The following TTN variants were observed in gnomAD, a reference collection of about 807,000 sequenced individuals.
TTN encodes the protein titin, also known as connectin.
TTN carries 1,525 observed loss-of-function variants against 3,223.0 expected under a neutral mutation model. The observed-to-expected ratio is 0.47, with a 90% confidence interval of 0.45 to 0.49. The LOEUF (loss-of-function observed/expected upper bound fraction) is 0.49. Among genes scored for constraint, TTN ranks in the 20% least tolerant of loss-of-function variants. TTN has a pLI of 0.00. For missense variants in TTN, 40,786 were observed against 43,424.0 expected (o/e 0.94, Z 5.40); for synonymous variants, 14,094 against 15,161.0 (o/e 0.93, Z 5.17).
chr2:178,582,307 T>C lies in TTN; in HGVS notation c.66149A>G (p.Lys22050Arg), dbSNP rs2047964470. Residue 22050 changes from lysine (K) to arginine (R), a missense_variant, in exon 314 of 363, where the codon AAA becomes AGA. Physicochemically the swap from Lys to Arg is conservative, Grantham distance 26. Transcript: ENST00000589042. The stretch of plus-strand genomic sequence containing the variant: ...GGAAATGTTCCTACCATATGGGTTT[T>C]TGGCAATTGCTGGTTCAGTGAAGAC... Reference protein sequence around the residue: ...DPVFTEPAIAKNPYDPPGRCD... With the variant: ...DPVFTEPAIARNPYDPPGRCD... 2 of 1,586,582 alleles carry C rather than the reference T, an allele frequency of 1.3e-6. No individual in the cohort carries two copies. The highest frequency in any genetic ancestry group is 4.5e-5 in the East Asian group (2 of 44,472).
intron 164 of TTN, 119 bp from the exon 165 acceptor site, chr2:178,665,579 G>T: frequency 7.5e-7 from 1 of 1,330,016 alleles, no homozygotes; most frequent in South Asian, 1.3e-5. Context: ...AGAATCTGAG[G>T]AGGTATACAA....
chr2:178,701,905 T>G, intron 109 of TTN, 135 bp downstream of exon 109: 2 of 920,508 alleles, frequency 2.2e-6, no homozygotes, highest in Non-Finnish European at 3.3e-6. Context: ...GTAATTCTAC[T>G]GCATAACAGT....
At chr2:178,801,894 C>T (rs2094084313) in intron 3 of TTN, among the ~76,000 whole-genome samples, 1 of 152,172 alleles carries the variant, frequency 6.6e-6, no homozygotes, top group South Asian at 2.1e-4. Context: ...CCTTAACATA[C>T]TTTTGAGTGT....
chr2:178,751,425 A>C, intron 47 of TTN: 1 of 1,611,086 alleles, frequency 6.2e-7, no homozygotes, highest in Middle Eastern at 1.7e-4. Flanking sequence ...ATTGTCTTAA[A>C]ATGTATAGTT....
rs747871862 is a variant in TTN at position 178,580,557 on chromosome 2, A to G, written c.66822T>C (p.Arg22274=). 1.9e-6 allele frequency: 3 copies of G among 1,612,472 alleles called. No homozygotes were observed. In the African/African-American group the frequency reaches 4.0e-5, roughly 22 times the overall value. ...CATATAGTCTCATAGTAACTCCAGC[A>G]CGTAATATGAGTGTCTTCCTTAAGT... ...DADLRKTLIL[R]AGVTMRLYVP... The change falls in exon 317 of 363, where the codon CGT becomes CGC. Residue 22274 remains arginine, a synonymous_variant. Transcript: ENST00000589042.
chr2:178,649,467 G>A (rs2062566422), intron 212 of TTN, 87 bp downstream of exon 212: 2 of 1,412,558 alleles, frequency 1.4e-6, no homozygotes, highest in African/African-American at 1.4e-5. Flanking sequence ...CCTTAGTTAT[G>A]CAACAACAAT....
intron 6 of TTN, among the ~76,000 whole-genome samples, chr2:178,796,370 T>C (rs912793359): frequency 2.6e-5 from 4 of 152,240 alleles, no homozygotes; most frequent in Non-Finnish European, 4.4e-5. Context: ...TGATCATACA[T>C]GAAATGATTA....
intron 203 of TTN, 23 bp from the exon 204 acceptor site, chr2:178,652,202 C>T: frequency 1.2e-6 from 2 of 1,612,306 alleles, no homozygotes; most frequent in Non-Finnish European, 1.7e-6. Context: ...TTATTATTTT[C>T]ATTGTTAGAC....
chr2:178,679,557 A>T (rs758139206), intron 141 of TTN, 42 bp downstream of exon 141: 3 of 1,593,888 alleles, frequency 1.9e-6, no homozygotes, highest in Non-Finnish European at 2.6e-6. Context: ...ATTTCTAGGC[A>T]GATGAAGTCT....
chr2:178,670,271 A>G lies in TTN; in HGVS notation c.35333T>C (p.Val11778Ala). ...AGGAACACGTACTTTTTCTTCTACCACAATTTTCTTAGGCACCTCCGGTAC... is the reference window on the plus strand; with the variant it reads ...AGGAACACGTACTTTTTCTTCTACCGCAATTTTCTTAGGCACCTCCGGTAC... ...AKVPEVPKKI[V>A]VEEKVRVPEE... Residue 11778 changes from valine (V) to alanine (A), a missense_variant, in exon 157 of 363, where the codon GTG becomes GCG. By Grantham distance (64) the Val-to-Ala change is moderately conservative. Coordinates refer to ENST00000589042, the MANE Select transcript of TTN (RefSeq NM_001267550.2). 1 of 1,492,798 alleles carries G rather than the reference A, an allele frequency of 6.7e-7. No homozygotes were observed. The highest frequency in any genetic ancestry group is 8.9e-7 in the Non-Finnish European group (1 of 1,127,422). The allele number at this position is 1,492,798 out of a possible 1,614,324, so 92.5% of individuals were successfully genotyped here. A position where few individuals can be genotyped will look rare whatever the true frequency, so the allele number is the denominator to read the frequency against.
Position 178,715,200 on chromosome 2 carries a change from A to C in TTN, c.25986T>G (p.Leu8662=), listed in dbSNP as rs749812427. The change falls in exon 90 of 363, where the codon CTT becomes CTG. Residue 8662 remains leucine (L), a synonymous_variant. Coordinates refer to ENST00000589042, the MANE Select transcript of TTN (RefSeq NM_001267550.2). ...IETLKGADVH[L]ECELQGTPPF... is the part of the protein sequence containing the mutation. ...GGGGAGTGCCCTGAAGCTCACATTC[A>C]AGGTGAACATCAGCTCCTTTCAGTG... is the stretch of plus-strand genomic sequence containing the variant. 1 of 1,613,686 alleles carries C rather than the reference A, an allele frequency of 6.2e-7. No homozygotes were observed. Among genetic ancestry groups the C allele is most frequent in the Non-Finnish European group, 8.5e-7 (1 of 1,179,682 alleles).
chr2:178,615,576 A>C lies in TTN; in HGVS notation c.48460+65T>G. ...ACCCCTGCCTTGCCCCATAACTTCA[A>C]CTCTAGGTCTAAAAGCAAAAACAGG... On this transcript the variant is annotated intron_variant, in intron 258 of 362. Transcript: ENST00000589042. 4 of 1,609,840 alleles carry C rather than the reference A, an allele frequency of 2.5e-6. No individual in the cohort carries two copies. The South Asian group carries it at 4.4e-5, about 18-fold the overall frequency.
chr2:178,663,899 G>A lies in TTN; in HGVS notation c.36368C>T (p.Pro12123Leu). ...KKPEVPPVKVPEASKEVIREE... is the reference protein window; with the variant it reads ...KKPEVPPVKVLEASKEVIREE... The stretch of plus-strand genomic sequence containing the variant: ...GCGGATAACCTCTTTGGAAGCTTCT[G>A]GCACTTGAAAGATATTAGTGAAATT... The change falls in exon 170 of 363, where the codon CCA becomes CTA. Residue 12123 changes from proline to leucine, a missense_variant. Transcript: ENST00000589042. 16 of 1,613,024 alleles carry A rather than the reference G, an allele frequency of 9.9e-6. No homozygotes were observed. The highest frequency in any genetic ancestry group is 1.3e-5 in the Non-Finnish European group (15 of 1,179,712).
In TTN at chr2:178,663,675, T is replaced by G; in HGVS notation, c.36484A>C (p.Lys12162Gln). The G allele has an allele frequency of 6.2e-7, 1 of 1,613,666 alleles. No individual in the cohort carries two copies. The highest frequency in any genetic ancestry group is 8.5e-7 in the Non-Finnish European group (1 of 1,179,748). The change falls in exon 171 of 363, where the codon AAA (lysine) becomes CAA (glutamine). Residue 12162 changes from lysine to glutamine, a missense_variant. By Grantham distance (53) the Lys-to-Gln change is moderately conservative. Transcript: ENST00000589042. ...TCTTTAGGAGGAGCCACTGGCGCTT[T>G]CTTTTCAGGAACTACTTCTTTGGGA... Reference protein sequence around the residue: ...EPPKEVVPEKKAPVAPPKEPE... With the variant: ...EPPKEVVPEKQAPVAPPKEPE...
In TTN at chr2:178,696,249, A is replaced by T. The variant is rs1454914517; in HGVS notation, c.30823T>A (p.Ser10275Thr). The T allele has an allele frequency of 6.5e-7, 1 of 1,548,806 alleles. No individual in the cohort carries two copies. The highest frequency in any genetic ancestry group is 1.4e-5 in the African/African-American group (1 of 72,602). The part of the protein sequence containing the change: ...PAKAPEIIDV[S>T]SKAEEVKIMT... The stretch of plus-strand genomic sequence containing the variant: ...ATTTTTACTTCTTCAGCTTTAGAGG[A>T]TACATCAATGATTTCAGGAGCTAAA... The change falls in exon 114 of 363, where the codon TCC (serine) becomes ACC (threonine). Residue 10275 changes from serine (S) to threonine (T), a missense_variant. Coordinates refer to ENST00000589042, the MANE Select transcript of TTN (RefSeq NM_001267550.2).
At chr2:178,672,560 C>T in intron 153 of TTN, 75 bp downstream of exon 153, 1 of 1,600,502 alleles carries the variant, frequency 6.2e-7, no homozygotes, top group Non-Finnish European at 8.6e-7. Flanking sequence ...ACAATCAAGA[C>T]ACAGAGACAT....
chr2:178,586,392 A>G, intron 308 of TTN, 113 bp downstream of exon 308: 1 of 1,299,740 alleles, frequency 7.7e-7, no homozygotes. Context: ...ACTGTTCTCT[A>G]CTGTTTTTCA....
intron 102 of TTN, 130 bp from the exon 103 acceptor site, chr2:178,705,487 C>G: frequency 1.3e-5 from 10 of 765,662 alleles, no homozygotes; most frequent in Non-Finnish European, 1.9e-5. Flanking sequence ...ATTAATTTTA[C>G]CATGTTAGCT....
At chr2:178,689,159 T>A in intron 124 of TTN, 23 bp from the exon 125 acceptor site, 1 of 1,596,696 alleles carries the variant, frequency 6.3e-7, no homozygotes, top group Admixed American at 1.8e-5. Flanking sequence ...TATGCACTTT[T>A]AGAAATTTAA....
Sources: allele counts gnomAD v4.1 joint callset (sites outside exome capture counted in the v4.1 genomes callset), GRCh38; gene constraint gnomAD v4.1.1; transcripts MANE v1.5; gene names NCBI Gene and HGNC (gene_info 2026-07-23, HGNC 2026-07-21).